The following IRAK1BP1 variants were observed in gnomAD, a reference collection of about 807,000 sequenced individuals.
IRAK1BP1 encodes the protein interleukin-1 receptor-associated kinase 1-binding protein 1.
IRAK1BP1 carries 24 observed loss-of-function variants against 28.0 expected under a neutral mutation model. That is an observed-to-expected ratio of 0.86 (90% CI 0.62 to 1.20). The LOEUF (loss-of-function observed/expected upper bound fraction) is 1.20. IRAK1BP1 is among the 50% of genes most tolerant of loss of function. The pLI is 0.00. For synonymous variants in IRAK1BP1, 131 were observed against 116.3 expected (o/e 1.13, Z -0.81); for missense variants, 336 against 316.7 (o/e 1.06, Z -0.46).
chr6:78,969,814 G>C, the IRAK1BP1 span: 8 of 1,193,162 alleles, frequency 6.7e-6, no homozygotes, highest in African/African-American at 9.3e-5. Context: ...AACATCGATA[G>C]CTTCTAAATA....
In IRAK1BP1 at chr6:78,911,449, C is replaced by T. The variant is rs148178536; in HGVS notation, c.*67+8339C>T. On this transcript the variant is annotated intron_variant and NMD_transcript_variant, in intron 4 of 4. Transcript: ENST00000606868. ...ACACAATCCCACATCTGGGATGTTA[C>T]TCATCCCCATTGCCTCACCAGTTTT... is the stretch of plus-strand genomic sequence containing the variant. Among the ~76,000 whole-genome samples the T allele has an allele frequency of 1.8e-3, 269 of 152,274 alleles. 1 individual carries two copies. Among genetic ancestry groups the T allele is most frequent in the African/African-American group, 6.1e-3 (252 of 41,558 alleles).
Position 78,945,444 on chromosome 6 carries a change from C to G in IRAK1BP1, c.*104C>G. On this transcript the variant is annotated 3_prime_UTR_variant and NMD_transcript_variant, in exon 5 of 5. Coordinates refer to the IRAK1BP1 transcript ENST00000606868. ...GTGCCATGACTAAAACTGGATTGAC[C>G]AGGACTGGAAAGAGTATTCAAAGCT... 6.2e-7 allele frequency: 1 copy of G among 1,611,342 alleles called. No individual in the cohort carries two copies. The highest frequency in any genetic ancestry group is 1.7e-4 in the Middle Eastern group (1 of 6,058).
chr6:78,902,269 A>C lies in IRAK1BP1; in HGVS notation c.*3935A>C, dbSNP rs960521470. ...GAAATCCTCTCACCTCAGCCTTTTA[A>C]GTAGCTGAAACATTAGGTGCACACC... On this transcript the variant is annotated 3_prime_UTR_variant, in exon 4 of 4. Coordinates refer to ENST00000369940, the MANE Select transcript of IRAK1BP1 (RefSeq NM_001010844.4). 1 of 152,186 alleles carries C rather than the reference A, an allele frequency of 6.6e-6. No homozygotes were observed. 9.4% of individuals were successfully genotyped at this position (152,186 alleles called of 1,614,324 possible).
chr6:78,972,824 G>A, the IRAK1BP1 span, among the ~76,000 whole-genome samples: 1 of 152,076 alleles, frequency 6.6e-6, no homozygotes, highest in Admixed American at 6.5e-5. Context: ...GGGAAGTTTA[G>A]AGAAAAAAAC....
chr6:78,978,184 G>A, the IRAK1BP1 span, among the ~76,000 whole-genome samples: 5 of 151,980 alleles, frequency 3.3e-5, no homozygotes, highest in African/African-American at 1.2e-4. Context: ...TGTGAACACT[G>A]TGGGTAAACA....
At chr6:78,945,529 G>C (rs749405647) in exon 5 of IRAK1BP1, 3 of 1,353,094 alleles carry the variant, frequency 2.2e-6, no homozygotes, top group Non-Finnish European at 3.1e-6. Flanking sequence ...TAAAAATTAA[G>C]AGTTATTGAA....
chr6:78,974,054 TC>T, the IRAK1BP1 span, among the ~76,000 whole-genome samples: 4 of 152,204 alleles, frequency 2.6e-5, no homozygotes, highest in East Asian at 7.7e-4. Flanking sequence ...ACTCTCCACC[TC>T]AAATCAACAG....
intron 4 of IRAK1BP1, chr6:78,937,909 T>C (rs1231374049): frequency 3.3e-5 from 5 of 151,690 alleles, no homozygotes; most frequent in Non-Finnish European, 7.4e-5. Flanking sequence ...TAAATTGGTT[T>C]ACACTTTCCA....
At chr6:78,941,167 T>C in intron 4 of IRAK1BP1, 1 of 1,614,120 alleles carries the variant, frequency 6.2e-7, no homozygotes, top group East Asian at 2.2e-5. Flanking sequence ...ACTGTAGCTT[T>C]TTGGGCTTTC....
chr6:78,910,416 A>C (rs1222583039), intron 4 of IRAK1BP1, among the ~76,000 whole-genome samples: 1 of 152,272 alleles, frequency 6.6e-6, no homozygotes, highest in Non-Finnish European at 1.5e-5. Flanking sequence ...TAGCTCAGGA[A>C]TCAGCATCAG....
the IRAK1BP1 span, chr6:78,978,708 A>G: frequency 6.3e-7 from 1 of 1,594,062 alleles, no homozygotes; most frequent in South Asian, 1.1e-5. Context: ...CCCACAGCCA[A>G]TCTCTGACAA....
chr6:78,949,401 T>C (rs1443785671), downstream of IRAK1BP1, among the ~76,000 whole-genome samples: 1 of 152,096 alleles, frequency 6.6e-6, no homozygotes, highest in Non-Finnish European at 1.5e-5. Flanking sequence ...ATCAGCTCCT[T>C]TTCTCACTCT....
Position 78,897,972 on chromosome 6 carries a change from A to G in IRAK1BP1, c.512+13A>G, listed in dbSNP as rs1373594825. The G allele has an allele frequency of 1.9e-6, 3 of 1,612,510 alleles. No individual in the cohort carries two copies. The highest frequency in any genetic ancestry group is 2.5e-6 in the Non-Finnish European group (3 of 1,179,476). On this transcript the variant is annotated intron_variant, in intron 3 of 3. Transcript: ENST00000369940. ...TTGAGAATCTTCGGTAAGTTTAAGC[A>G]CATCTTTAACTAAGATATTCTTTAA...
chr6:78,978,666 C>A, the IRAK1BP1 span: 1 of 1,595,298 alleles, frequency 6.3e-7, no homozygotes, highest in Non-Finnish European at 8.6e-7. Context: ...GGCAACCATT[C>A]TTCTAATGTC....
the IRAK1BP1 span, chr6:78,955,471 A>G: frequency 1.8e-6 from 1 of 552,168 alleles, no homozygotes; most frequent in East Asian, 3.1e-5. Flanking sequence ...AGAATATTCT[A>G]CTGCCAGTTG....
the IRAK1BP1 span, chr6:78,969,756 A>G: frequency 4.7e-6 from 3 of 635,972 alleles, no homozygotes; most frequent in Non-Finnish European, 8.0e-6. Flanking sequence ...TCTTTTTCTC[A>G]ATTATGAAAA....
chr6:78,963,207 C>T, the IRAK1BP1 span: 1 of 1,609,024 alleles, frequency 6.2e-7, no homozygotes, highest in Non-Finnish European at 8.5e-7. Flanking sequence ...TCTGCACTCA[C>T]CATCAGTTAA....
At chr6:78,977,350 G>T in the IRAK1BP1 span, among the ~76,000 whole-genome samples, 1 of 150,562 alleles carries the variant, frequency 6.6e-6, no homozygotes, top group East Asian at 2.0e-4. Context: ...CACAGGAAGG[G>T]GAACATCACA....
chr6:78,868,828 T>G (rs1252749448), intron 1 of IRAK1BP1, among the ~76,000 whole-genome samples: 1 of 152,198 alleles, frequency 6.6e-6, no homozygotes, highest in African/African-American at 2.4e-5. Context: ...CGATTTCAGT[T>G]TTCTCATTTT....
Sources: allele counts gnomAD v4.1 joint callset (sites outside exome capture counted in the v4.1 genomes callset), GRCh38; gene constraint gnomAD v4.1.1; transcripts MANE v1.5; gene names NCBI Gene and HGNC (gene_info 2026-07-23, HGNC 2026-07-21).